Variants in ARHGEF11 observed in about 807,000 individuals in gnomAD.
ARHGEF11 encodes Rho guanine exchange factor (GEF) 11.
ARHGEF11 carries 55 observed loss-of-function variants against 193.7 expected under a neutral mutation model. The observed-to-expected ratio is 0.28, with a 90% CI of 0.23 to 0.36. ARHGEF11 has a LOEUF of 0.36. ARHGEF11 is among the 10% of genes least tolerant of loss of function. The probability of loss-of-function intolerance (pLI) is 1.00; values close to 1 mark genes in which losing one functional copy is unlikely to be tolerated. For missense variants in ARHGEF11, 1,723 were observed against 2,005.6 expected (o/e 0.86, Z 2.69); for synonymous variants, 693 against 768.0 (o/e 0.90, Z 1.62).
At chr1:157,003,755 C>T (rs1257166886) in intron 1 of ARHGEF11, among the ~76,000 whole-genome samples, 3 of 152,208 alleles carry the variant, frequency 2.0e-5, no homozygotes, top group Non-Finnish European at 4.4e-5. Context: ...GCCAAATGCA[C>T]AGGCTTTAGA....
At chr1:156,951,550 G>A (rs1040102862) in intron 22 of ARHGEF11, 23 bp downstream of exon 22, 4 of 1,612,976 alleles carry the variant, frequency 2.5e-6, no homozygotes, top group African/African-American at 1.3e-5. Flanking sequence ...AGCAGCTGGC[G>A]AGTCCCATCC....
intron 1 of ARHGEF11, among the ~76,000 whole-genome samples, chr1:157,004,876 C>T (rs1667638181): frequency 6.6e-6 from 1 of 152,174 alleles, no homozygotes; most frequent in African/African-American, 2.4e-5. Context: ...ACAACAACTT[C>T]AATCTCTCCA....
In ARHGEF11 at chr1:157,044,870, G is replaced by A; in HGVS notation, c.-540C>T. On this transcript the variant is annotated 5_prime_UTR_variant, in exon 1 of 41. Coordinates refer to ENST00000368194, the MANE Select transcript of ARHGEF11 (RefSeq NM_198236.3). ...ATCTTTGAGGAAAGGAAAAAAAAAA[G>A]GATTAATAAATCCGAAATGGCACTT... 5.1e-6 allele frequency: 1 copy of A among 197,250 alleles called. No homozygotes were observed. The highest frequency in any genetic ancestry group is 1.0e-5 in the Non-Finnish European group (1 of 98,982). 12.2% of individuals were successfully genotyped at this position (197,250 alleles called of 1,614,324 possible). A position where few individuals can be genotyped will look rare whatever the true frequency, so the allele number is the denominator to read the frequency against.
intron 6 of ARHGEF11, 87 bp downstream of exon 6, chr1:156,978,117 C>G: frequency 6.4e-7 from 1 of 1,557,416 alleles, no homozygotes; most frequent in Non-Finnish European, 8.7e-7. Context: ...TACCACAGCC[C>G]CACTGGATTT....
rs902227840 is a variant in ARHGEF11 at position 156,957,774 on chromosome 1, C to T, written c.1526+18G>A. The stretch of plus-strand genomic sequence containing the variant: ...TTCCACCTTGAAAGCTGCAAATCCA[C>T]ATCATAGACTTGCTTACCTCCTGTC... On this transcript the variant is annotated intron_variant, in intron 18 of 40. Transcript: ENST00000368194. 2.5e-6 allele frequency: 4 copies of T among 1,613,622 alleles called. No homozygotes were observed. The African/African-American group carries it at 4.0e-5, about 16-fold the overall frequency.
In ARHGEF11 at chr1:156,937,284, T is replaced by C. The variant is rs376286359; in HGVS notation, c.4405A>G (p.Ile1469Val). Residue 1469 changes from isoleucine (I) to valine (V), a missense_variant, in exon 39 of 41, where the codon ATT (isoleucine) becomes GTT (valine). Ile to Val is a conservative substitution (Grantham distance 29). Coordinates refer to ENST00000368194, the MANE Select transcript of ARHGEF11 (RefSeq NM_198236.3). ...TTGAGCTTGAGAGTGAGCTGCTCAA[T>C]GGTATGGAAGATCATGCCCACGTCC... The part of the protein sequence containing the change: ...LRDVGMIFHT[I>V]EQLTLKLNRL... 1 of 1,613,904 alleles carries C rather than the reference T, an allele frequency of 6.2e-7. No individual in the cohort carries two copies. Among genetic ancestry groups the C allele is most frequent in the East Asian group, 2.2e-5 (1 of 44,854 alleles).
intron 35 of ARHGEF11, among the ~76,000 whole-genome samples, chr1:156,940,949 C>G (rs917292285): frequency 1.3e-5 from 2 of 152,206 alleles, no homozygotes; most frequent in African/African-American, 2.4e-5. Flanking sequence ...ATGCTGTCCC[C>G]TCTACCAATC....
At chr1:156,942,373 AG>A (rs900932995) in intron 33 of ARHGEF11, among the ~76,000 whole-genome samples, 1 of 152,216 alleles carries the variant, frequency 6.6e-6, no homozygotes, top group Non-Finnish European at 1.5e-5. Flanking sequence ...GCTGGGTGGG[AG>A]GCAAATGCCT....
chr1:156,954,612 C>T (rs971211730), intron 21 of ARHGEF11, among the ~76,000 whole-genome samples: 20 of 152,162 alleles, frequency 1.3e-4, no homozygotes, highest in Non-Finnish European at 1.9e-4. Context: ...AGGAGCTGTC[C>T]CTGCAGGAGA....
intron 10 of ARHGEF11, among the ~76,000 whole-genome samples, 172 bp downstream of exon 10, chr1:156,969,110 G>A (rs575458927): frequency 6.6e-6 from 1 of 152,330 alleles, no homozygotes; most frequent in South Asian, 2.1e-4. Flanking sequence ...CATGTTGGAT[G>A]CATCTGAAAT....
In ARHGEF11 at chr1:156,948,793, C is replaced by T; in HGVS notation, c.1926-295G>A. ...GAAGATGAAATCTGGGGCTAACAGA[C>T]TCTGAGTTGTAGTGTGTCCAGAGGC... On this transcript the variant is annotated intron_variant, in intron 22 of 40. Transcript: ENST00000368194. This position sits in a 1 kb window ranked among gnomAD's most constrained non-coding sequence, Gnocchi z 4.2. 1 of 985,432 alleles carries T rather than the reference C, an allele frequency of 1.0e-6. No homozygotes were observed. The allele number at this position is 985,432 out of a possible 1,614,324, so 61.0% of individuals were successfully genotyped here. A position where few individuals can be genotyped will look rare whatever the true frequency, so the allele number is the denominator to read the frequency against.
At position 156,936,480 on chromosome 1, in the gene ARHGEF11, GAAAA is replaced by G. The variant is rs35863393; in HGVS notation, c.4630+332_4630+335del. Among the ~76,000 whole-genome samples, 63 of 48,012 alleles carry G rather than the reference GAAAA, an allele frequency of 1.3e-3. 2 individuals carry two copies. Among genetic ancestry groups the G allele is most frequent in the South Asian group, 6.3e-3 (5 of 788 alleles). The allele number at this position is 48,012 out of a possible 152,430, so 31.5% of individuals were successfully genotyped here. Reference sequence around the variant, plus strand: ...GGCCAGCCCTTGTCTCAAATAAATAGAAAAAAAAAAAAAAAAAATATATATATAT... The same window carrying G: ...GGCCAGCCCTTGTCTCAAATAAATAGAAAAAAAAAAAAAATATATATATAT... On this transcript the variant is annotated intron_variant, in intron 40 of 40. Coordinates refer to ENST00000368194, the MANE Select transcript of ARHGEF11 (RefSeq NM_198236.3).
chr1:156,997,926 C>T (rs1464151673), intron 1 of ARHGEF11, among the ~76,000 whole-genome samples: 1 of 152,074 alleles, frequency 6.6e-6, no homozygotes, highest in East Asian at 1.9e-4. Flanking sequence ...TTGGACAGCA[C>T]TGGTCTGGCC....
intron 4 of ARHGEF11, among the ~76,000 whole-genome samples, chr1:156,980,183 G>T (rs1302765045): frequency 1.3e-5 from 2 of 152,184 alleles, no homozygotes; most frequent in Non-Finnish European, 2.9e-5. Context: ...TGTGAAATAA[G>T]AATAATAAAA....
At chr1:157,039,228 C>T (rs932704323) in intron 1 of ARHGEF11, among the ~76,000 whole-genome samples, 1 of 152,136 alleles carries the variant, frequency 6.6e-6, no homozygotes, top group Non-Finnish European at 1.5e-5. Flanking sequence ...AACCATTTGG[C>T]CCACTGAAAG....
At chr1:157,028,653 A>G (rs530030259) in intron 1 of ARHGEF11, among the ~76,000 whole-genome samples, 2 of 152,316 alleles carry the variant, frequency 1.3e-5, no homozygotes, top group East Asian at 3.9e-4. Flanking sequence ...ACTTAGCTTA[A>G]AATTCTATTC....
At chr1:156,983,157 C>T (rs552302579) in intron 3 of ARHGEF11, among the ~76,000 whole-genome samples, 4 of 152,206 alleles carry the variant, frequency 2.6e-5, no homozygotes, top group Non-Finnish European at 4.4e-5. Flanking sequence ...AAGTTCACTC[C>T]TTTTAGGGAC....
intron 19 of ARHGEF11, 49 bp downstream of exon 19, chr1:156,956,371 T>C (rs1365081562): frequency 1.2e-6 from 2 of 1,600,016 alleles, no homozygotes; most frequent in East Asian, 4.5e-5. Context: ...CGCCTTGGCA[T>C]TCCAAAGTAC....
rs748888872 is a variant in ARHGEF11 at position 156,962,836 on chromosome 1, G to A, written c.1140+367C>T. 7.0e-5 allele frequency among the ~76,000 whole-genome samples: 9 copies of A among 128,624 alleles called. No homozygotes were observed. The South Asian group carries it at 1.6e-3, about 23-fold the overall frequency. The allele number at this position is 128,624 out of a possible 152,430, so 84.4% of individuals were successfully genotyped here. A position where few individuals can be genotyped will look rare whatever the true frequency, so the allele number is the denominator to read the frequency against. ...GGAGCTTGCAGTGAGCTGAGATCGC[G>A]CCACTGCACTCCAGCCTCGGCGACA... On this transcript the variant is annotated intron_variant, in intron 13 of 40. Coordinates refer to ENST00000368194, the MANE Select transcript of ARHGEF11 (RefSeq NM_198236.3).
Sources: allele counts gnomAD v4.1 joint callset (sites outside exome capture counted in the v4.1 genomes callset), GRCh38; gene constraint gnomAD v4.1.1; non-coding constraint Gnocchi (gnomAD v3.1); transcripts MANE v1.5; gene names NCBI Gene and HGNC (gene_info 2026-07-23, HGNC 2026-07-21).